The following AP3B1 variants were observed in gnomAD, a reference collection of about 807,000 sequenced individuals.
The protein encoded by AP3B1 is adaptor related protein complex 3 subunit beta 1, also known as AP-3 complex subunit beta-1.
In AP3B1, 61 loss-of-function variants were observed where a neutral mutation model predicts 132.5. That is an observed-to-expected ratio of 0.46 (90% CI 0.37 to 0.57). The LOEUF (loss-of-function observed/expected upper bound fraction) is 0.57. Ranked by LOEUF, AP3B1 falls within the 20% of genes least tolerant of loss-of-function variation. The pLI is 0.00. For synonymous variants in AP3B1, 388 were observed against 438.3 expected (o/e 0.89, Z 1.43); for missense variants, 1,120 against 1,289.4 (o/e 0.87, Z 2.01).
At chr5:78,084,636 T>A (rs1750161416) in intron 22 of AP3B1, among the ~76,000 whole-genome samples, 1 of 151,866 alleles carries the variant, frequency 6.6e-6, no homozygotes, top group African/African-American at 2.4e-5. Flanking sequence ...ATATATGTGC[T>A]TTCCATTTCT....
At chr5:78,233,471 G>A (rs1746741661) in intron 3 of AP3B1, among the ~76,000 whole-genome samples, 1 of 152,030 alleles carries the variant, frequency 6.6e-6, no homozygotes, top group Admixed American at 6.6e-5. Context: ...CTGACCTCAG[G>A]TGATCCGCCC....
At chr5:78,126,504 CAA>C (rs70997969) in intron 17 of AP3B1, among the ~76,000 whole-genome samples, 30 of 62,360 alleles carry the variant, frequency 4.8e-4, no homozygotes, top group African/African-American at 2.0e-3. Flanking sequence ...GACTCTGTCT[CAA>C]AAAAAAAAAA....
intron 1 of AP3B1, among the ~76,000 whole-genome samples, chr5:78,275,403 T>C (rs1423622631): frequency 6.6e-6 from 1 of 152,202 alleles, no homozygotes; most frequent in East Asian, 1.9e-4. Context: ...ATACAGATTC[T>C]AAATTTACAG....
chr5:78,109,803 A>G (rs1751495384), intron 20 of AP3B1, among the ~76,000 whole-genome samples: 1 of 152,166 alleles, frequency 6.6e-6, no homozygotes, highest in South Asian at 2.1e-4. Flanking sequence ...CTTACTAACT[A>G]AAGAATGTAT....
rs182185559 is a variant in AP3B1 at position 78,121,146 on chromosome 5, G to A, written c.1969-4912C>T. Among the ~76,000 whole-genome samples, 1,415 of 152,070 alleles carry A rather than the reference G, an allele frequency of 9.3e-3. 4 individuals are homozygous for A. Among genetic ancestry groups the A allele is most frequent in the Admixed American group, 0.015 (225 of 15,268 alleles). Reference sequence around the variant, plus strand: ...AATAAAGATGTTCTTTGAAACCAACGAGAACAAAGACACCACATACCAGAA... The same window carrying A: ...AATAAAGATGTTCTTTGAAACCAACAAGAACAAAGACACCACATACCAGAA... On this transcript the variant is annotated intron_variant, in intron 17 of 26. Transcript: ENST00000255194.
intron 22 of AP3B1, among the ~76,000 whole-genome samples, chr5:78,064,397 C>T (rs1298075678): frequency 6.6e-6 from 1 of 152,072 alleles, no homozygotes; most frequent in Non-Finnish European, 1.5e-5. Context: ...AGCTGCTTGC[C>T]TATCATTTGT....
At chr5:78,268,752 G>C (rs577475353) in intron 1 of AP3B1, among the ~76,000 whole-genome samples, 1 of 152,194 alleles carries the variant, frequency 6.6e-6, no homozygotes, top group African/African-American at 2.4e-5. Flanking sequence ...TAAAGATAAA[G>C]GTTTTGCTCT....
rs539371764 is a variant in AP3B1, at chr5:78,182,765, T to G, written c.787-1103A>C. Among the ~76,000 whole-genome samples the G allele has an allele frequency of 2.9e-4, 44 of 152,290 alleles. 1 individual carries two copies. Among genetic ancestry groups the G allele is most frequent in the Middle Eastern group, 3.4e-3 (1 of 294 alleles). On this transcript the variant is annotated intron_variant, in intron 7 of 26. Coordinates refer to ENST00000255194, the MANE Select transcript of AP3B1 (RefSeq NM_003664.5). Reference sequence around the variant, plus strand: ...TACCCCCATCCCCACCAGTAGAGGCTGAGATGGTGATCCTAGACTTCTACC... The same window carrying G: ...TACCCCCATCCCCACCAGTAGAGGCGGAGATGGTGATCCTAGACTTCTACC...
chr5:78,052,339 G>A (rs1421290871), intron 22 of AP3B1, among the ~76,000 whole-genome samples: 1 of 152,042 alleles, frequency 6.6e-6, no homozygotes, highest in Admixed American at 6.6e-5. Context: ...TTCATGCTCG[G>A]TATTAAGCAG....
At chr5:78,281,221 G>A (rs1167020053) in intron 1 of AP3B1, among the ~76,000 whole-genome samples, 1 of 152,052 alleles carries the variant, frequency 6.6e-6, no homozygotes, top group Non-Finnish European at 1.5e-5. Context: ...GATCACCTGA[G>A]GTCAGCAGCT....
At chr5:78,112,884 A>T (rs1751657979) in intron 19 of AP3B1, among the ~76,000 whole-genome samples, 1 of 152,208 alleles carries the variant, frequency 6.6e-6, no homozygotes, top group Admixed American at 6.5e-5. Context: ...GCCTGTATTA[A>T]TTTAACCTAC....
intron 22 of AP3B1, among the ~76,000 whole-genome samples, chr5:78,047,646 GT>G (rs1158324620): frequency 1.3e-5 from 2 of 152,146 alleles, no homozygotes; most frequent in Non-Finnish European, 2.9e-5. Context: ...CTCCCATTCT[GT>G]AGGTTGTCTG....
chr5:78,122,298 G>GCC (rs932506538), intron 17 of AP3B1, among the ~76,000 whole-genome samples: 161 of 152,350 alleles, frequency 1.1e-3, no homozygotes, highest in African/African-American at 3.7e-3. Context: ...AGACAGGGAT[G>GCC]CCCTCTCTCA....
intron 7 of AP3B1, among the ~76,000 whole-genome samples, chr5:78,210,620 C>A (rs1031977233): frequency 2.6e-5 from 4 of 152,094 alleles, no homozygotes; most frequent in Non-Finnish European, 4.4e-5. Flanking sequence ...AGAGTTTTAA[C>A]TTCCAAATCA....
At position 78,110,334 on chromosome 5, in the gene AP3B1, T is replaced by C. The variant is rs745461947; in HGVS notation, c.2270A>G (p.Lys757Arg). The C allele has an allele frequency of 6.2e-7, 1 of 1,609,366 alleles. No homozygotes were observed. The highest frequency in any genetic ancestry group is 8.5e-7 in the Non-Finnish European group (1 of 1,176,724). ...KGKSDSEDGE[K>R]ENEKSKTSDS... The stretch of plus-strand genomic sequence containing the variant: ...TGAAGTTTTAGATTTTTCATTTTCC[T>C]TCTCCCCATCTTCAGAATCACTACA... Residue 757 changes from lysine to arginine, a missense_variant, in exon 20 of 27, where the codon AAG becomes AGG. By Grantham distance (26) the Lys-to-Arg change is conservative. Coordinates refer to ENST00000255194, the MANE Select transcript of AP3B1 (RefSeq NM_003664.5).
intron 21 of AP3B1, among the ~76,000 whole-genome samples, chr5:78,095,296 C>CA (rs1208133384): frequency 6.6e-6 from 1 of 152,216 alleles, no homozygotes; most frequent in Admixed American, 6.5e-5. Context: ...GTGTACCTAG[C>CA]AAACAACCTG....
At chr5:78,107,427 A>C (rs1751382713) in intron 20 of AP3B1, among the ~76,000 whole-genome samples, 3 of 152,104 alleles carry the variant, frequency 2.0e-5, no homozygotes. Flanking sequence ...TGTTTTTTTC[A>C]CTCCATGCTC....
rs1234526182 is a variant in AP3B1 at position 78,294,682 on chromosome 5, C to G, written c.-103G>C. 3 of 1,571,092 alleles carry G rather than the reference C, an allele frequency of 1.9e-6. No homozygotes were observed. Among genetic ancestry groups the G allele is most frequent in the Non-Finnish European group, 2.6e-6 (3 of 1,153,884 alleles). On this transcript the variant is annotated 5_prime_UTR_variant, in exon 1 of 27. Coordinates refer to ENST00000255194, the MANE Select transcript of AP3B1 (RefSeq NM_003664.5). ...CAAAACTAGTTCTCGTACGGAGGAG[C>G]GCGCGCAGGCGCTTCCGGACTCGTC...
intron 6 of AP3B1, among the ~76,000 whole-genome samples, chr5:78,219,228 A>G (rs1162591891): frequency 6.6e-6 from 1 of 152,154 alleles, no homozygotes; most frequent in Non-Finnish European, 1.5e-5. Flanking sequence ...TCTATCAGAA[A>G]GTTCGATGTT....
Sources: allele counts gnomAD v4.1 joint callset (sites outside exome capture counted in the v4.1 genomes callset), GRCh38; gene constraint gnomAD v4.1.1; transcripts MANE v1.5; gene names NCBI Gene and HGNC (gene_info 2026-07-23, HGNC 2026-07-21).